The following ZCWPW2 variants were observed in gnomAD, a reference collection of about 807,000 sequenced individuals.
The protein encoded by ZCWPW2 is zinc finger CW-type and PWWP domain containing 2.
Under a neutral mutation model 46.6 loss-of-function variants are expected in ZCWPW2, and 45 were observed. That is an observed-to-expected ratio of 0.96 (90% CI 0.76 to 1.24). The LOEUF is 1.24. Among genes scored for constraint, ZCWPW2 ranks in the 50% most tolerant of loss-of-function variants. The probability of loss-of-function intolerance (pLI) is 0.00; values close to 1 mark genes in which losing one functional copy is unlikely to be tolerated. For synonymous variants in ZCWPW2, 152 were observed against 137.1 expected (o/e 1.11, Z -0.76); for missense variants, 429 against 403.9 (o/e 1.06, Z -0.53).
At chr3:28,460,150 T>A (rs1420158056) in intron 4 of ZCWPW2, among the ~76,000 whole-genome samples, 1 of 152,142 alleles carries the variant, frequency 6.6e-6, no homozygotes, top group African/African-American at 2.4e-5. Flanking sequence ...ACTCCCAAAT[T>A]TTCTAATTAT....
At chr3:28,411,575 T>TAC (rs1196753336) in intron 2 of ZCWPW2, among the ~76,000 whole-genome samples, 2 of 151,934 alleles carry the variant, frequency 1.3e-5, no homozygotes, top group African/African-American at 2.4e-5. Flanking sequence ...AAAAAGTTGT[T>TAC]ACACACACAC....
chr3:28,471,221 T>A (rs574113723), intron 4 of ZCWPW2, among the ~76,000 whole-genome samples: 1 of 152,120 alleles, frequency 6.6e-6, no homozygotes, highest in African/African-American at 2.4e-5. Flanking sequence ...TTCCAAAAAA[T>A]AGAAGTGGAG....
intron 5 of ZCWPW2, among the ~76,000 whole-genome samples, chr3:28,479,437 A>T (rs1042442015): frequency 2.0e-5 from 3 of 152,216 alleles, no homozygotes; most frequent in Non-Finnish European, 2.9e-5. Context: ...TTTCAAAGAA[A>T]GTTCTATTGA....
At position 28,525,517 on chromosome 3, in the gene ZCWPW2, G is replaced by T. The variant is rs1700826552; in HGVS notation, c.*829G>T. Among the ~76,000 whole-genome samples the T allele has an allele frequency of 6.6e-6, 1 of 151,886 alleles. No individual in the cohort carries two copies. Among genetic ancestry groups the T allele is most frequent in the East Asian group, 1.9e-4 (1 of 5,166 alleles). On this transcript the variant is annotated 3_prime_UTR_variant, in exon 10 of 10. Transcript: ENST00000383768. ...AGTTCCTGCTCTATCTCTTTCTGGT[G>T]GTACGGGGTGGGGAAAAGGGCATTC...
chr3:28,523,711 A>T (rs1483630179), intron 9 of ZCWPW2, among the ~76,000 whole-genome samples: 6 of 152,174 alleles, frequency 3.9e-5, no homozygotes, highest in African/African-American at 1.4e-4. Flanking sequence ...TTATACACAT[A>T]GATAATCAAA....
intron 3 of ZCWPW2, among the ~76,000 whole-genome samples, chr3:28,421,558 T>C (rs1479062688): frequency 6.6e-6 from 1 of 151,960 alleles, no homozygotes. Flanking sequence ...GCAGGCTTCA[T>C]TGGAGCTTTT....
At chr3:28,482,545 G>T (rs772539516) in intron 5 of ZCWPW2, among the ~76,000 whole-genome samples, 10 of 151,280 alleles carry the variant, frequency 6.6e-5, no homozygotes, top group Non-Finnish European at 1.0e-4. Flanking sequence ...CATATGGTGA[G>T]ATATGTTCAA....
Position 28,435,252 on chromosome 3 carries a change from T to G in ZCWPW2, c.475T>G (p.Tyr159Asp), listed in dbSNP as rs1697432985. Reference protein sequence around the residue: ...SWIKATFVGHYSITLKPEKCK... With the variant: ...SWIKATFVGHDSITLKPEKCK... ...GATAAAGGCAACATTCGTTGGACAT[T>G]ATAGTATCACATTAAAGGTAGGTAT... The change falls in exon 4 of 10, where the codon TAT becomes GAT. Residue 159 changes from tyrosine (Y) to aspartate (D), a missense_variant. By Grantham distance (160) the Tyr-to-Asp change is radical. Coordinates refer to ENST00000383768, the MANE Select transcript of ZCWPW2 (RefSeq NM_001040432.4). The G allele has an allele frequency of 6.2e-7, 1 of 1,610,666 alleles. No individual in the cohort carries two copies. The highest frequency in any genetic ancestry group is 1.1e-5 in the South Asian group (1 of 89,864).
chr3:28,437,281 A>G (rs1040747106), intron 4 of ZCWPW2, among the ~76,000 whole-genome samples: 2 of 152,188 alleles, frequency 1.3e-5, no homozygotes, highest in Non-Finnish European at 2.9e-5. Context: ...ATCTTACTTC[A>G]TACACTATTT....
In ZCWPW2 at chr3:28,499,212, G is replaced by A. The variant is rs143381899; in HGVS notation, c.657+7039G>A. 5.8e-3 allele frequency among the ~76,000 whole-genome samples: 886 copies of A among 152,154 alleles called. 7 individuals are homozygous for A. The highest frequency in any genetic ancestry group is 0.019 in the African/African-American group (805 of 41,526). On this transcript the variant is annotated intron_variant, in intron 6 of 9. Coordinates refer to ENST00000383768, the MANE Select transcript of ZCWPW2 (RefSeq NM_001040432.4). ...GTTATTTCTGGTTCTAAATCCTTGC[G>A]GAATCACCACACTGTCTTCCACAGT... is the stretch of plus-strand genomic sequence containing the variant.
chr3:28,489,446 A>T (rs528561778), intron 5 of ZCWPW2, among the ~76,000 whole-genome samples: 1 of 151,942 alleles, frequency 6.6e-6, no homozygotes, highest in South Asian at 2.1e-4. Flanking sequence ...TAGTGATCTT[A>T]TTTTTTCCCA....
intron 1 of ZCWPW2, among the ~76,000 whole-genome samples, chr3:28,379,421 G>T (rs544023258): frequency 6.6e-6 from 1 of 152,046 alleles, no homozygotes; most frequent in Non-Finnish European, 1.5e-5. Flanking sequence ...AATTGCTGAG[G>T]TTAAAACAAA....
At chr3:28,412,959 G>A in intron 2 of ZCWPW2, 97 bp from the exon 3 acceptor site, 1 of 915,408 alleles carries the variant, frequency 1.1e-6, no homozygotes, top group East Asian at 2.7e-5. Context: ...GGGCATAGAA[G>A]ATATCAAAGA....
At chr3:28,376,083 A>T (rs1449023579) in intron 1 of ZCWPW2, among the ~76,000 whole-genome samples, 1 of 152,038 alleles carries the variant, frequency 6.6e-6, no homozygotes, top group Non-Finnish European at 1.5e-5. Context: ...TAACTATTGT[A>T]ATCAGTGCTA....
chr3:28,377,774 T>G (rs994709509), intron 1 of ZCWPW2, among the ~76,000 whole-genome samples: 1 of 152,104 alleles, frequency 6.6e-6, no homozygotes, highest in African/African-American at 2.4e-5. Flanking sequence ...TGTTTTATTC[T>G]TACAAGTCTT....
intron 4 of ZCWPW2, among the ~76,000 whole-genome samples, chr3:28,451,358 C>T (rs1698219226): frequency 1.3e-5 from 2 of 152,178 alleles, no homozygotes. Context: ...AGCTAAATGA[C>T]AGGGCAATGG....
At chr3:28,476,767 G>A (rs139083288) in intron 4 of ZCWPW2, among the ~76,000 whole-genome samples, 10 of 152,154 alleles carry the variant, frequency 6.6e-5, no homozygotes, top group South Asian at 4.2e-4. Flanking sequence ...TTGTTTTCCC[G>A]CAACTAGAGG....
chr3:28,375,660 TA>T (rs1027019483), intron 1 of ZCWPW2, among the ~76,000 whole-genome samples: 4 of 152,034 alleles, frequency 2.6e-5, no homozygotes, highest in Non-Finnish European at 5.9e-5. Context: ...ATTCTTTATT[TA>T]AAAAATACAA....
chr3:28,499,573 C>G (rs764112535), intron 6 of ZCWPW2, among the ~76,000 whole-genome samples: 3 of 152,088 alleles, frequency 2.0e-5, no homozygotes, highest in Non-Finnish European at 4.4e-5. Context: ...GGATGGATTG[C>G]AAGAAATTTC....
Sources: allele counts gnomAD v4.1 joint callset (sites outside exome capture counted in the v4.1 genomes callset), GRCh38; gene constraint gnomAD v4.1.1; transcripts MANE v1.5; gene names NCBI Gene and HGNC (gene_info 2026-07-23, HGNC 2026-07-21).